Variants in FBLN2 observed in about 807,000 individuals in gnomAD.
FBLN2 encodes the protein fibulin-2.
FBLN2 carries 81 observed loss-of-function variants against 123.7 expected under a neutral mutation model. The observed-to-expected ratio is 0.65, with a 90% CI of 0.55 to 0.79. FBLN2 has a LOEUF of 0.79. Among genes scored for constraint, FBLN2 ranks in the 30% least tolerant of loss-of-function variants. FBLN2 has a pLI of 0.00. For synonymous variants in FBLN2, 699 were observed against 701.4 expected (o/e 1.00, Z 0.05); for missense variants, 1,603 against 1,681.3 (o/e 0.95, Z 0.81).
intron 1 of FBLN2, among the ~76,000 whole-genome samples, chr3:13,554,529 C>CT (rs1356783550): frequency 6.6e-6 from 1 of 151,798 alleles, no homozygotes; most frequent in Admixed American, 6.6e-5. Flanking sequence ...CACGTTCTCT[C>CT]TTTCTCTCTG....
intron 2 of FBLN2, among the ~76,000 whole-genome samples, chr3:13,592,202 A>C (rs1704699441): frequency 6.6e-6 from 1 of 151,250 alleles, no homozygotes; most frequent in Admixed American, 6.6e-5. Context: ...ATTTTTGTTT[A>C]TTTAATAGAG....
chr3:13,575,823 C>T (rs112046656), intron 2 of FBLN2, among the ~76,000 whole-genome samples: 90 of 152,310 alleles, frequency 5.9e-4, no homozygotes, highest in African/African-American at 2.1e-3. Flanking sequence ...CCACAACATG[C>T]ATGTTCCGCT....
chr3:13,611,003 T>C, intron 4 of FBLN2, among the ~76,000 whole-genome samples: 1 of 151,762 alleles, frequency 6.6e-6, no homozygotes, highest in Non-Finnish European at 1.5e-5. Flanking sequence ...ACCTCCCGGG[T>C]TCAAGCAATT....
intron 2 of FBLN2, among the ~76,000 whole-genome samples, chr3:13,598,663 G>A (rs752072273): frequency 2.6e-4 from 40 of 152,220 alleles, no homozygotes; most frequent in Non-Finnish European, 5.0e-4. Flanking sequence ...CCAAGAGCCT[G>A]AAGTATTTCA....
At chr3:13,627,019 G>A (rs1448310919) in intron 10 of FBLN2, among the ~76,000 whole-genome samples, 7 of 152,022 alleles carry the variant, frequency 4.6e-5, no homozygotes, top group African/African-American at 1.4e-4. Context: ...TGTGCCTGCC[G>A]GGTCCTGGGT....
At chr3:13,559,618 C>A (rs1216930922) in intron 1 of FBLN2, among the ~76,000 whole-genome samples, 1 of 152,188 alleles carries the variant, frequency 6.6e-6, no homozygotes, top group African/African-American at 2.4e-5. Flanking sequence ...AGAACGAAAT[C>A]TAGGGGCTGT....
intron 2 of FBLN2, among the ~76,000 whole-genome samples, chr3:13,574,863 C>T (rs1253586105): frequency 6.6e-6 from 1 of 152,312 alleles, no homozygotes; most frequent in South Asian, 2.1e-4. Flanking sequence ...GATCCCCCAC[C>T]CGCTGGGCTT....
intron 13 of FBLN2, 64 bp from the exon 14 acceptor site, chr3:13,629,756 T>C (rs1413390135): frequency 1.3e-6 from 2 of 1,527,506 alleles, no homozygotes; most frequent in South Asian, 1.2e-5. Flanking sequence ...TGGATGGCCC[T>C]TGGGGGTGGA....
intron 1 of FBLN2, among the ~76,000 whole-genome samples, chr3:13,549,522 T>G (rs1249211450): frequency 6.6e-6 from 1 of 151,396 alleles, no homozygotes; most frequent in Admixed American, 6.6e-5. Flanking sequence ...TGGGTTTCAC[T>G]TCTCCCCCCT....
chr3:13,571,604 G>T lies in FBLN2; in HGVS notation c.1249G>T (p.Val417Leu). Residue 417 changes from valine (V) to leucine (L), a missense_variant, in exon 2 of 18, where the codon GTG becomes TTG. Coordinates refer to ENST00000404922, the MANE Select transcript of FBLN2 (RefSeq NM_001004019.2). ...GCCGCAAGTTCTGCCCCATTCCCAC[G>T]TGGAGGAGGACACAGACCCCAACTC... ...RKPQVLPHSH[V>L]EEDTDPNSVH... The T allele has an allele frequency of 1.2e-6, 2 of 1,612,504 alleles. No homozygotes were observed. The highest frequency in any genetic ancestry group is 1.7e-6 in the Non-Finnish European group (2 of 1,179,248).
rs1703546043 is a variant in FBLN2 at position 13,559,259 on chromosome 3, G to GGGT, written c.-42+10051_-42+10052insGGT. 2.0e-5 allele frequency among the ~76,000 whole-genome samples: 3 copies of GGGT among 151,586 alleles called. 1 individual carries two copies. The South Asian group carries it at 6.3e-4, about 32-fold the overall frequency. On this transcript the variant is annotated intron_variant, in intron 1 of 17. Coordinates refer to ENST00000404922, the MANE Select transcript of FBLN2 (RefSeq NM_001004019.2). ...GTCCAAGTTAGGTTAATCAAAAGGGGTTCATGTCATTGTGAAGTTCAGTTT... is the reference window on the plus strand; with the variant it reads ...GTCCAAGTTAGGTTAATCAAAAGGGGGGTTTCATGTCATTGTGAAGTTCAGTTT...
At chr3:13,636,592 A>T (rs531546598) in intron 17 of FBLN2, 24 bp downstream of exon 17, 1 of 1,609,864 alleles carries the variant, frequency 6.2e-7, no homozygotes. Flanking sequence ...CCCCAGTCCC[A>T]GTCCCAGGGA....
Position 13,627,831 on chromosome 3 carries a change from G to A in FBLN2, c.2432-1G>A. 6 of 1,612,678 alleles carry A rather than the reference G, an allele frequency of 3.7e-6. No homozygotes were observed. Among genetic ancestry groups the A allele is most frequent in the Non-Finnish European group, 5.1e-6 (6 of 1,179,390 alleles). On this transcript the variant is annotated splice_acceptor_variant, in intron 10 of 17. Transcript: ENST00000404922. LOFTEE classifies it high-confidence loss of function. ...CTTGACACCCAGCCTCTCCGCTGCA[G>A]ACGTGGATGAGTGTGCGATGGGCAC...
intron 17 of FBLN2, among the ~76,000 whole-genome samples, 178 bp downstream of exon 17, chr3:13,636,746 G>A (rs537741804): frequency 3.3e-5 from 5 of 152,220 alleles, no homozygotes; most frequent in Non-Finnish European, 5.9e-5. Context: ...GAGAGTTCAG[G>A]GTTGAGAGAA....
intron 8 of FBLN2, among the ~76,000 whole-genome samples, chr3:13,620,452 A>T (rs894886245): frequency 6.6e-6 from 1 of 152,142 alleles, no homozygotes; most frequent in African/African-American, 2.4e-5. Flanking sequence ...CTGTTCCCAA[A>T]TGAAGGACAC....
intron 2 of FBLN2, among the ~76,000 whole-genome samples, chr3:13,606,946 C>G (rs1468127674): frequency 6.6e-6 from 1 of 152,138 alleles, no homozygotes; most frequent in Non-Finnish European, 1.5e-5. Context: ...AGCCACCGTG[C>G]CCGGCTGACT....
chr3:13,604,171 C>T (rs1705131149), intron 2 of FBLN2, among the ~76,000 whole-genome samples: 1 of 152,140 alleles, frequency 6.6e-6, no homozygotes, highest in Admixed American at 6.5e-5. Context: ...AATTTTCTCC[C>T]ATTCTGTAGG....
At chr3:13,599,554 A>C (rs1186927450) in intron 2 of FBLN2, among the ~76,000 whole-genome samples, 1 of 151,846 alleles carries the variant, frequency 6.6e-6, no homozygotes, top group Non-Finnish European at 1.5e-5. Context: ...GTATTTGTGG[A>C]CAGTCATTCT....
Position 13,638,023 on chromosome 3 carries a change from A to T in FBLN2, c.*104A>T, listed in dbSNP as rs1706540677. ...GTTTTTACTATAACTTTGTAAATTAACTTAATTTTGCTGACTTGACTCCTG... is the reference window on the plus strand; with the variant it reads ...GTTTTTACTATAACTTTGTAAATTATCTTAATTTTGCTGACTTGACTCCTG... On this transcript the variant is annotated 3_prime_UTR_variant, in exon 18 of 18. Coordinates refer to ENST00000404922, the MANE Select transcript of FBLN2 (RefSeq NM_001004019.2). 1 of 1,142,910 alleles carries T rather than the reference A, an allele frequency of 8.7e-7. No individual in the cohort carries two copies. Among genetic ancestry groups the T allele is most frequent in the East Asian group, 2.4e-5 (1 of 41,638 alleles). The allele number at this position is 1,142,910 out of a possible 1,614,324, so 70.8% of individuals were successfully genotyped here.
Sources: allele counts gnomAD v4.1 joint callset (sites outside exome capture counted in the v4.1 genomes callset), GRCh38; gene constraint gnomAD v4.1.1; transcripts MANE v1.5; gene names NCBI Gene and HGNC (gene_info 2026-07-23, HGNC 2026-07-21).